The following FBXO33 variants were observed in gnomAD, a reference collection of about 807,000 sequenced individuals.
The protein encoded by FBXO33 is F-box only protein 33.
In FBXO33, 22 loss-of-function variants were observed where a neutral mutation model predicts 46.3. The ratio of observed to expected loss-of-function variants is 0.48; its 90% confidence interval spans 0.34 to 0.68. FBXO33 has a LOEUF of 0.68. FBXO33 is among the 30% of genes least tolerant of loss of function. The probability of loss-of-function intolerance (pLI) is 0.01; values close to 1 mark genes in which losing one functional copy is unlikely to be tolerated. For synonymous variants in FBXO33, 337 were observed against 291.3 expected (o/e 1.16, Z -1.60); for missense variants, 692 against 708.8 (o/e 0.98, Z 0.27).
Position 39,401,765 on chromosome 14 carries a change from C to G in FBXO33, c.807G>C (p.Leu269=), listed in dbSNP as rs755349496. 8 of 1,614,048 alleles carry G rather than the reference C, an allele frequency of 5.0e-6. No homozygotes were observed. Among genetic ancestry groups the G allele is most frequent in the Non-Finnish European group, 6.8e-6 (8 of 1,180,034 alleles). Residue 269 remains leucine (L), a synonymous_variant, in exon 3 of 4, where the codon CTG becomes CTC. Transcript: ENST00000298097. ...FMLEIVTPTS[L]SSLSNAVANT... Reference sequence around the variant, plus strand: ...TGGCAACAGCATTAGAGAGAGATGACAGTGATGTTGGGGTTACTATTTCCA... The same window carrying G: ...TGGCAACAGCATTAGAGAGAGATGAGAGTGATGTTGGGGTTACTATTTCCA...
Position 39,432,171 on chromosome 14 carries a change from A to G in FBXO33, c.-9T>C. 1 of 1,226,808 alleles carries G rather than the reference A, an allele frequency of 8.2e-7. No individual in the cohort carries two copies. The highest frequency in any genetic ancestry group is 1.0e-6 in the Non-Finnish European group (1 of 982,856). 76.0% of individuals were successfully genotyped at this position (1,226,808 alleles called of 1,614,324 possible). On this transcript the variant is annotated 5_prime_UTR_variant, in exon 1 of 4. Transcript: ENST00000298097. The stretch of plus-strand genomic sequence containing the variant: ...GACAAGAACAACAACATCAATGACT[A>G]GGAAGAAGGGGGCGGAACCGTCGTG...
At chr14:39,408,521 T>C (rs2075408694) in intron 1 of FBXO33, among the ~76,000 whole-genome samples, 1 of 151,962 alleles carries the variant, frequency 6.6e-6, no homozygotes, top group South Asian at 2.1e-4. Context: ...CCATTTCTCT[T>C]TGTTTTTTGG....
At chr14:39,416,793 G>A (rs908843825) in intron 1 of FBXO33, among the ~76,000 whole-genome samples, 1 of 151,868 alleles carries the variant, frequency 6.6e-6, no homozygotes, top group Admixed American at 6.6e-5. Context: ...TTCTTTAAGA[G>A]GATTAATTTA....
At chr14:39,427,568 A>G (rs2139421659) in intron 1 of FBXO33, among the ~76,000 whole-genome samples, 1 of 152,304 alleles carries the variant, frequency 6.6e-6, no homozygotes, top group African/African-American at 2.4e-5. Flanking sequence ...AAACTGTTGG[A>G]GATAATACCT....
intron 1 of FBXO33, among the ~76,000 whole-genome samples, chr14:39,423,015 G>A (rs1454061638): frequency 1.3e-5 from 2 of 152,002 alleles, no homozygotes; most frequent in African/African-American, 2.4e-5. Context: ...CCAGCTACTC[G>A]GGAGGCTGAG....
At chr14:39,405,129 A>C (rs1379975898) in intron 1 of FBXO33, among the ~76,000 whole-genome samples, 2 of 18,810 alleles carry the variant, frequency 1.1e-4, no homozygotes, top group East Asian at 6.0e-3. Context: ...ATTCTGTCTC[A>C]AAAAAAAAAA....
intron 1 of FBXO33, among the ~76,000 whole-genome samples, chr14:39,428,261 A>G (rs796445940): frequency 2.6e-5 from 4 of 152,230 alleles, no homozygotes; most frequent in African/African-American, 7.2e-5. Context: ...GATGGAGTGC[A>G]GTAGCACGAT....
At chr14:39,428,148 TAAAAAG>T (rs974202607) in intron 1 of FBXO33, among the ~76,000 whole-genome samples, 170 of 152,308 alleles carry the variant, frequency 1.1e-3, no homozygotes, top group African/African-American at 3.5e-3. Flanking sequence ...CCCAGAATCT[TAAAAAG>T]AAAATCAATC....
chr14:39,430,862 T>A (rs929969361), intron 1 of FBXO33, among the ~76,000 whole-genome samples: 40 of 152,134 alleles, frequency 2.6e-4, no homozygotes, highest in African/African-American at 9.7e-4. Context: ...AGAACAGTTA[T>A]GTGCTTACCC....
intron 1 of FBXO33, among the ~76,000 whole-genome samples, chr14:39,411,801 G>A (rs112021567): frequency 3.9e-4 from 59 of 152,300 alleles, no homozygotes; most frequent in African/African-American, 1.3e-3. Context: ...GATTACAGGC[G>A]TGAGCCACTG....
intron 1 of FBXO33, among the ~76,000 whole-genome samples, chr14:39,428,348 G>C (rs2075526061): frequency 6.6e-6 from 1 of 152,046 alleles, no homozygotes; most frequent in African/African-American, 2.4e-5. Context: ...TGGGATTACA[G>C]GCATGCACTG....
At chr14:39,430,687 T>C (rs1211022049) in intron 1 of FBXO33, among the ~76,000 whole-genome samples, 2 of 152,158 alleles carry the variant, frequency 1.3e-5, no homozygotes, top group African/African-American at 2.4e-5. Context: ...AACTTTCTTC[T>C]AATAAGAGCT....
chr14:39,418,737 T>G (rs1265913000), intron 1 of FBXO33, among the ~76,000 whole-genome samples: 2 of 143,002 alleles, frequency 1.4e-5, no homozygotes, highest in African/African-American at 5.3e-5. Context: ...ATCGCGCCAC[T>G]GCACTCCAGC....
intron 1 of FBXO33, among the ~76,000 whole-genome samples, chr14:39,413,934 AG>A (rs2075435673): frequency 6.6e-6 from 1 of 152,230 alleles, no homozygotes; most frequent in Admixed American, 6.5e-5. Flanking sequence ...TAAGGGCCCT[AG>A]GACTTTTGGA....
At chr14:39,405,976 C>A (rs572679881) in intron 1 of FBXO33, among the ~76,000 whole-genome samples, 3 of 149,372 alleles carry the variant, frequency 2.0e-5, no homozygotes, top group East Asian at 2.0e-4. Flanking sequence ...AACAAAAAAA[C>A]CGTATTTTTT....
At chr14:39,421,960 G>C (rs1038466648) in intron 1 of FBXO33, among the ~76,000 whole-genome samples, 2 of 152,166 alleles carry the variant, frequency 1.3e-5, no homozygotes, top group African/African-American at 4.8e-5. Flanking sequence ...AAAACCTCCA[G>C]ATAAAAATAA....
At chr14:39,408,282 A>T (rs772557879) in intron 1 of FBXO33, among the ~76,000 whole-genome samples, 16 of 152,112 alleles carry the variant, frequency 1.1e-4, no homozygotes, top group Non-Finnish European at 1.9e-4. Flanking sequence ...CTAAGATGTG[A>T]GTTGATATCT....
At chr14:39,402,636 T>G (rs1440625123) in intron 1 of FBXO33, 125 bp from the exon 2 acceptor site, 1 of 364,720 alleles carries the variant, frequency 2.7e-6, no homozygotes, top group Admixed American at 4.7e-5. Flanking sequence ...TCAATTAGAA[T>G]CCAGTTAAGT....
At chr14:39,427,636 C>A (rs2075522490) in intron 1 of FBXO33, among the ~76,000 whole-genome samples, 1 of 151,968 alleles carries the variant, frequency 6.6e-6, no homozygotes, top group Non-Finnish European at 1.5e-5. Flanking sequence ...AATTTTTAAC[C>A]CATTTTAAAA....
Sources: allele counts gnomAD v4.1 joint callset (sites outside exome capture counted in the v4.1 genomes callset), GRCh38; gene constraint gnomAD v4.1.1; transcripts MANE v1.5; gene names NCBI Gene and HGNC (gene_info 2026-07-23, HGNC 2026-07-21).